The following SRL variants were observed in gnomAD, a reference collection of about 807,000 sequenced individuals.
SRL encodes sarcalumenin.
SRL carries 23 observed loss-of-function variants against 39.5 expected under a neutral mutation model. The ratio of observed to expected loss-of-function variants is 0.58; its 90% CI spans 0.42 to 0.82. SRL has a LOEUF of 0.82. Among genes scored for constraint, SRL ranks in the 40% least tolerant of loss-of-function variants. SRL has a pLI of 0.00. For synonymous variants in SRL, 272 were observed against 237.4 expected, an observed-to-expected ratio of 1.15 and a Z score of -1.34; for missense variants, 592 against 607.8, an observed-to-expected ratio of 0.97 and a Z score of 0.27.
intron 1 of SRL, among the ~76,000 whole-genome samples, chr16:4,225,460 T>C (rs1443933968): frequency 6.6e-6 from 1 of 151,996 alleles, no homozygotes; most frequent in Non-Finnish European, 1.5e-5. Flanking sequence ...GGTGTGCACC[T>C]ATAGTGCCAG....
chr16:4,230,449 C>T (rs1308151047), intron 1 of SRL, among the ~76,000 whole-genome samples: 4 of 150,326 alleles, frequency 2.7e-5, no homozygotes, highest in East Asian at 1.9e-4. Context: ...GGTGCGATCT[C>T]GGCTCACTGC....
At chr16:4,234,877 T>C (rs1429473706) in intron 1 of SRL, among the ~76,000 whole-genome samples, 1 of 152,212 alleles carries the variant, frequency 6.6e-6, no homozygotes, top group Admixed American at 6.5e-5. Flanking sequence ...CGTGTTGAGA[T>C]TTAGGAACTT....
intron 1 of SRL, among the ~76,000 whole-genome samples, chr16:4,228,358 C>G (rs1431701437): frequency 1.3e-5 from 2 of 151,510 alleles, no homozygotes; most frequent in African/African-American, 4.9e-5. Flanking sequence ...ACTGCTTGAA[C>G]CCGGGAGGTG....
intron 3 of SRL, among the ~76,000 whole-genome samples, chr16:4,198,132 C>A (rs894670507): frequency 6.6e-6 from 1 of 152,232 alleles, no homozygotes. Context: ...TGCCCAGATC[C>A]TTGGCACGTC....
intron 4 of SRL, 63 bp downstream of exon 4, chr16:4,197,736 A>G: frequency 1.6e-6 from 2 of 1,245,422 alleles, no homozygotes; most frequent in Non-Finnish European, 2.4e-6. Flanking sequence ...AGTGATTTAA[A>G]TTTTCATGGT....
At chr16:4,197,718 G>A (rs1401316222) in intron 4 of SRL, 81 bp downstream of exon 4, 8 of 1,055,442 alleles carry the variant, frequency 7.6e-6, no homozygotes, top group East Asian at 2.4e-5. Flanking sequence ...GAGTCATAAT[G>A]TCCGGCCAGT....
chr16:4,190,326 T>C lies in SRL; in HGVS notation c.*1827A>G, dbSNP rs1307637616. ...CTGCCTGCCTTTCCACTGTCCTGGG[T>C]CCAGGATGACTTCCTGGTGCTGAGC... On this transcript the variant is annotated 3_prime_UTR_variant, in exon 6 of 6. Transcript: ENST00000399609. 7.5e-6 allele frequency: 3 copies of C among 398,924 alleles called. No homozygotes were observed. Among genetic ancestry groups the C allele is most frequent in the Non-Finnish European group, 1.3e-5 (3 of 226,384 alleles). The allele number at this position is 398,924 out of a possible 1,614,324, so 24.7% of individuals were successfully genotyped here. A position where few individuals can be genotyped will look rare whatever the true frequency, so the allele number is the denominator to read the frequency against.
At chr16:4,216,640 G>C (rs1193847217) in intron 1 of SRL, among the ~76,000 whole-genome samples, 1 of 152,204 alleles carries the variant, frequency 6.6e-6, no homozygotes, top group Non-Finnish European at 1.5e-5. Context: ...CTCAGTATGA[G>C]TCAATCACTA....
intron 1 of SRL, among the ~76,000 whole-genome samples, chr16:4,232,790 G>A (rs1451978765): frequency 1.3e-5 from 2 of 152,250 alleles, no homozygotes; most frequent in African/African-American, 2.4e-5. Flanking sequence ...GGGATTGCAG[G>A]CAAGAGCCAC....
At chr16:4,233,477 T>C (rs1030590052) in intron 1 of SRL, among the ~76,000 whole-genome samples, 33 of 152,168 alleles carry the variant, frequency 2.2e-4, no homozygotes, top group African/African-American at 7.5e-4. Flanking sequence ...TCCCTGCACG[T>C]TGGGCTGAAA....
intron 1 of SRL, among the ~76,000 whole-genome samples, chr16:4,238,460 G>A (rs571581751): frequency 7.8e-4 from 119 of 152,262 alleles, no homozygotes; most frequent in African/African-American, 2.8e-3. Flanking sequence ...ACCTCCCTCT[G>A]GGGGATAAGC....
intron 1 of SRL, among the ~76,000 whole-genome samples, chr16:4,227,385 A>G (rs915958526): frequency 2.6e-5 from 4 of 151,692 alleles, no homozygotes; most frequent in African/African-American, 7.3e-5. Context: ...GGGTGGATGG[A>G]TAGATGAATG....
At chr16:4,197,502 A>C (rs925838908) in intron 4 of SRL, among the ~76,000 whole-genome samples, 1 of 144,844 alleles carries the variant, frequency 6.9e-6, no homozygotes, top group African/African-American at 2.6e-5. Context: ...GCTCACTACA[A>C]TCTCTGCCTT....
intron 4 of SRL, 110 bp from the exon 5 acceptor site, chr16:4,195,896 G>T: frequency 1.2e-6 from 1 of 869,354 alleles, no homozygotes; most frequent in Middle Eastern, 3.4e-4. Context: ...CAACAGAATT[G>T]GATATGTTTG....
In SRL at chr16:4,192,498, G is replaced by A; in HGVS notation, c.1077C>T (p.Thr359=). 1 of 1,614,198 alleles carries A rather than the reference G, an allele frequency of 6.2e-7. No individual in the cohort carries two copies. The highest frequency in any genetic ancestry group is 8.5e-7 in the Non-Finnish European group (1 of 1,180,030). ...RYLQTYKDKM[T]FFSDGELVFK... Reference sequence around the variant, plus strand: ...AGACCAGTTCTCCATCACTGAAGAAGGTCATTTTGTCCTTGTAAGTCTGCA... The same window carrying A: ...AGACCAGTTCTCCATCACTGAAGAAAGTCATTTTGTCCTTGTAAGTCTGCA... Residue 359 remains threonine (T), a synonymous_variant, in exon 6 of 6, where the codon ACC becomes ACT. Coordinates refer to ENST00000399609, the MANE Select transcript of SRL (RefSeq NM_001098814.2). This position sits in a 1 kb window ranked among gnomAD's most constrained non-coding sequence, Gnocchi z 4.0.
chr16:4,195,464 T>A, intron 5 of SRL, 89 bp downstream of exon 5: 3 of 1,304,656 alleles, frequency 2.3e-6, no homozygotes, highest in Non-Finnish European at 3.3e-6. Flanking sequence ...TCCCAAAGAG[T>A]TGGGATCACA....
intron 1 of SRL, among the ~76,000 whole-genome samples, chr16:4,215,646 A>G (rs2052450542): frequency 6.6e-6 from 1 of 152,154 alleles, no homozygotes; most frequent in African/African-American, 2.4e-5. Context: ...AGTCTACCCT[A>G]GGACAGTGAT....
intron 1 of SRL, among the ~76,000 whole-genome samples, chr16:4,215,953 T>C (rs2052454746): frequency 6.6e-6 from 1 of 152,148 alleles, no homozygotes; most frequent in Non-Finnish European, 1.5e-5. Context: ...GACGGACCTC[T>C]TGAGCCTAGG....
At chr16:4,229,657 T>C (rs2052637577) in intron 1 of SRL, among the ~76,000 whole-genome samples, 1 of 151,526 alleles carries the variant, frequency 6.6e-6, no homozygotes, top group Admixed American at 6.6e-5. Flanking sequence ...AGGACAAGTG[T>C]TGACAAACTA....
Sources: allele counts gnomAD v4.1 joint callset (sites outside exome capture counted in the v4.1 genomes callset), GRCh38; gene constraint gnomAD v4.1.1; non-coding constraint Gnocchi (gnomAD v3.1); transcripts MANE v1.5; gene names NCBI Gene and HGNC (gene_info 2026-07-23, HGNC 2026-07-21).